Variants in MAGI2 observed in about 807,000 individuals in gnomAD.
The protein encoded by MAGI2 is membrane associated guanylate kinase, WW and PDZ domain containing 2.
In MAGI2, 35 loss-of-function variants were observed where a neutral mutation model predicts 133.3. That is an observed-to-expected ratio of 0.26 (90% CI 0.20 to 0.35). MAGI2 has a LOEUF of 0.35. MAGI2 is among the 10% of genes least tolerant of loss of function. MAGI2 has a pLI of 1.00. For missense variants in MAGI2, 1,636 were observed against 1,863.4 expected (o/e 0.88, Z 2.25); for synonymous variants, 729 against 710.6 (o/e 1.03, Z -0.41).
chr7:79,029,303 G>A (rs1810331652), intron 1 of MAGI2, among the ~76,000 whole-genome samples: 1 of 152,012 alleles, frequency 6.6e-6, no homozygotes, highest in African/African-American at 2.4e-5. Context: ...AATCTACAAA[G>A]CAGCTATCAA....
intron 1 of MAGI2, among the ~76,000 whole-genome samples, chr7:79,027,786 A>T (rs1262285849): frequency 6.6e-6 from 1 of 152,130 alleles, no homozygotes; most frequent in African/African-American, 2.4e-5. Flanking sequence ...TAATCTATAA[A>T]TGTATAGAAT....
intron 1 of MAGI2, among the ~76,000 whole-genome samples, chr7:79,314,616 GTC>G: frequency 6.6e-6 from 1 of 152,078 alleles, no homozygotes; most frequent in Non-Finnish European, 1.5e-5. Flanking sequence ...ATGCATTGCA[GTC>G]TTCCTCCTGA....
At position 78,531,466 on chromosome 7, in the gene MAGI2, A is replaced by T. The variant is rs1005681400; in HGVS notation, c.539-9821T>A. Among the ~76,000 whole-genome samples, 63 of 151,838 alleles carry T rather than the reference A, an allele frequency of 4.1e-4. 2 individuals are homozygous for T. ...TGACCTCGTGATCTGCCTGCTTTGG[A>T]CTCCCAAAGTACTGGGATTACAGGC... On this transcript the variant is annotated intron_variant, in intron 3 of 21. Coordinates refer to ENST00000354212, the MANE Select transcript of MAGI2 (RefSeq NM_012301.4).
chr7:78,715,845 A>ATTTTGTATTTTGTATTTTGT (rs60253694), intron 2 of MAGI2, among the ~76,000 whole-genome samples: 1 of 151,422 alleles, frequency 6.6e-6, no homozygotes, highest in Non-Finnish European at 1.5e-5. Flanking sequence ...AAATAAATAC[A>ATTTTGTATTTTGTATTTTGT]AAATATAAGT....
rs1787435315 is a variant in MAGI2, at chr7:78,316,625, G to A, written c.1408+27153C>T. Among the ~76,000 whole-genome samples the A allele has an allele frequency of 3.3e-5, 5 of 152,104 alleles. No homozygotes were observed. The South Asian group carries it at 8.3e-4, about 25-fold the overall frequency. ...TTTTGTTTTCTTTCCTTTTGTTTCA[G>A]TAGAAACTGTCAATTAAAATCAATA... On this transcript the variant is annotated intron_variant, in intron 9 of 21. Transcript: ENST00000354212.
chr7:79,179,921 C>T lies in MAGI2; in HGVS notation c.302-172715G>A, dbSNP rs974710186. Among the ~76,000 whole-genome samples the T allele has an allele frequency of 3.3e-5, 5 of 151,990 alleles. No individual in the cohort carries two copies. In the South Asian group the frequency reaches 6.2e-4, roughly 19 times the overall value. ...GGCAACAAAAAGAAAAATAGACAAA[C>T]GGGACTCTGTCAAACTAAAAAGCTT... On this transcript the variant is annotated intron_variant, in intron 1 of 21. Transcript: ENST00000354212.
intron 15 of MAGI2, among the ~76,000 whole-genome samples, chr7:78,164,330 C>T (rs1200189624): frequency 1.3e-5 from 2 of 152,214 alleles, no homozygotes; most frequent in Non-Finnish European, 2.9e-5. Flanking sequence ...ATGGCTGAGG[C>T]AATGGGATGT....
At chr7:78,036,456 C>G (rs771659869) in intron 21 of MAGI2, among the ~76,000 whole-genome samples, 2 of 152,150 alleles carry the variant, frequency 1.3e-5, no homozygotes, top group South Asian at 4.2e-4. Flanking sequence ...TAGGCGCTTT[C>G]TCTTCATACT....
intron 2 of MAGI2, among the ~76,000 whole-genome samples, chr7:78,781,699 T>C (rs1330101088): frequency 6.6e-6 from 1 of 152,032 alleles, no homozygotes; most frequent in Non-Finnish European, 1.5e-5. Context: ...TAGTAAAAAA[T>C]TATATTAGAA....
chr7:78,808,831 T>G (rs1168269164), intron 2 of MAGI2, among the ~76,000 whole-genome samples: 1 of 152,072 alleles, frequency 6.6e-6, no homozygotes, highest in South Asian at 2.1e-4. Flanking sequence ...ACTGTGGAGG[T>G]AGCTCACCCA....
chr7:79,214,722 T>A (rs1017303237), intron 1 of MAGI2, among the ~76,000 whole-genome samples: 2 of 137,574 alleles, frequency 1.5e-5, no homozygotes, highest in Non-Finnish European at 3.1e-5. Context: ...AATATAAATA[T>A]ATAAATATAT....
intron 6 of MAGI2, among the ~76,000 whole-genome samples, chr7:78,402,059 C>G (rs1452786234): frequency 1.3e-5 from 2 of 152,154 alleles, no homozygotes; most frequent in Non-Finnish European, 2.9e-5. Context: ...TGCCTCTGCT[C>G]CCACGGCATG....
intron 16 of MAGI2, among the ~76,000 whole-genome samples, chr7:78,135,674 T>C (rs1458280537): frequency 6.6e-6 from 1 of 152,098 alleles, no homozygotes; most frequent in African/African-American, 2.4e-5. Flanking sequence ...CTACAATAAA[T>C]GCCAGAAATT....
rs570576310 is a variant in MAGI2, at chr7:78,832,003, G to A, written c.418+175087C>T. Among the ~76,000 whole-genome samples the A allele has an allele frequency of 2.4e-3, 362 of 152,206 alleles. 1 individual carries two copies. Among genetic ancestry groups the A allele is most frequent in the Non-Finnish European group, 4.1e-3 (282 of 68,004 alleles). On this transcript the variant is annotated intron_variant, in intron 2 of 21. Transcript: ENST00000354212. ...GGCTGTCATTACCTGCAGAAAGAGC[G>A]AATCAGTGTGTCAATATGAATGAGT...
chr7:78,936,198 A>G (rs1002161385), intron 2 of MAGI2, among the ~76,000 whole-genome samples: 4 of 152,064 alleles, frequency 2.6e-5, no homozygotes, highest in African/African-American at 9.6e-5. Context: ...AGGAAAAATG[A>G]ATTTATAATA....
intron 9 of MAGI2, among the ~76,000 whole-genome samples, chr7:78,289,699 C>A (rs1796503350): frequency 6.6e-6 from 1 of 152,072 alleles, no homozygotes; most frequent in Non-Finnish European, 1.5e-5. Flanking sequence ...TTAAGGGCAG[C>A]CAGAGAGAAA....
At chr7:78,177,417 CGCA>C (rs1826748693) in intron 14 of MAGI2, among the ~76,000 whole-genome samples, 1 of 104,970 alleles carries the variant, frequency 9.5e-6, no homozygotes, top group African/African-American at 3.5e-5. Flanking sequence ...TGTGAATACG[CGCA>C]CACACACACA....
intron 1 of MAGI2, among the ~76,000 whole-genome samples, chr7:79,171,826 G>C (rs1452099534): frequency 8.2e-5 from 11 of 133,796 alleles, no homozygotes; most frequent in Non-Finnish European, 1.7e-4. Flanking sequence ...ATTTCATAGA[G>C]TCCCAAACAC....
chr7:78,585,683 C>A (rs954204888), intron 3 of MAGI2, among the ~76,000 whole-genome samples: 2 of 152,110 alleles, frequency 1.3e-5, no homozygotes, highest in Non-Finnish European at 2.9e-5. Context: ...CCAGGGGAAG[C>A]AATGGCAGCA....
Sources: allele counts gnomAD v4.1 joint callset (sites outside exome capture counted in the v4.1 genomes callset), GRCh38; gene constraint gnomAD v4.1.1; transcripts MANE v1.5; gene names NCBI Gene and HGNC (gene_info 2026-07-23, HGNC 2026-07-21).